Variants in ZZZ3 observed in about 807,000 individuals in gnomAD.
ZZZ3 encodes zinc finger ZZ-type containing 3.
In ZZZ3, 22 loss-of-function variants were observed where a neutral mutation model predicts 95.2. The observed-to-expected ratio is 0.23, with a 90% confidence interval of 0.17 to 0.33. ZZZ3 has a LOEUF of 0.33. ZZZ3 is among the 10% of genes least tolerant of loss of function. ZZZ3 has a pLI of 1.00. For synonymous variants in ZZZ3, 335 were observed against 358.9 expected (o/e 0.93, Z 0.75); for missense variants, 885 against 1,066.5 (o/e 0.83, Z 2.37).
In ZZZ3 at chr1:77,578,866, C is replaced by A; in HGVS notation, c.2086G>T (p.Ala696Ser). 1 of 1,551,642 alleles carries A rather than the reference C, an allele frequency of 6.4e-7. No homozygotes were observed. The highest frequency in any genetic ancestry group is 2.1e-5 in the Admixed American group (1 of 48,666). ...ATGAAATACTTCTGTACTCGGCTGG[C>A]AACCTAAGGAAACATGACAAGTCTC... ...ELGNRTAKQV[A>S]SRVQKYFIKL... Residue 696 changes from alanine (A) to serine (S), a missense_variant, in exon 11 of 15, where the codon GCC becomes TCC. This residue lies in a region of ZZZ3 where 221 missense variants were observed against 247.8 expected (regional missense o/e 0.89). Transcript: ENST00000370801.
At chr1:77,665,235 C>T (rs753772298) in intron 1 of ZZZ3, among the ~76,000 whole-genome samples, 6 of 152,138 alleles carry the variant, frequency 3.9e-5, no homozygotes, top group Non-Finnish European at 7.4e-5. Flanking sequence ...TGTTACCATA[C>T]AGACAATTTT....
chr1:77,610,095 C>A (rs1231428839), intron 5 of ZZZ3, among the ~76,000 whole-genome samples: 1 of 148,976 alleles, frequency 6.7e-6, no homozygotes, highest in Non-Finnish European at 1.5e-5. Flanking sequence ...CAAACTTTGG[C>A]CAGACTTAAA....
intron 1 of ZZZ3, among the ~76,000 whole-genome samples, chr1:77,648,548 A>C (rs1050177253): frequency 6.6e-6 from 1 of 152,162 alleles, no homozygotes; most frequent in African/African-American, 2.4e-5. Flanking sequence ...AGTCTTTTTA[A>C]TGTGAATTGA....
At chr1:77,594,923 A>G (rs1044942538) in intron 5 of ZZZ3, among the ~76,000 whole-genome samples, 107 of 133,246 alleles carry the variant, frequency 8.0e-4, no homozygotes, top group Non-Finnish European at 1.3e-3. Context: ...GACAGGCCCA[A>G]AAAAAAAAAA....
At chr1:77,680,607 A>C (rs1241160537) in intron 1 of ZZZ3, among the ~76,000 whole-genome samples, 1 of 152,160 alleles carries the variant, frequency 6.6e-6, no homozygotes, top group Non-Finnish European at 1.5e-5. Flanking sequence ...TACAAAAACA[A>C]CACTTACAAA....
rs532437465 is a variant in ZZZ3, at chr1:77,630,694, T to C, written c.1505+1156A>G. 3.7e-4 allele frequency among the ~76,000 whole-genome samples: 57 copies of C among 152,246 alleles called. No homozygotes were observed. The South Asian group carries it at 3.9e-3, about 11-fold the overall frequency. On this transcript the variant is annotated intron_variant, in intron 5 of 14. Coordinates refer to ENST00000370801, the MANE Select transcript of ZZZ3 (RefSeq NM_015534.6). ...TGAACTATCAAATACAATATTAAGATAGTATTTCAAAAGAAAGCAGAAGAA... is the reference window on the plus strand; with the variant it reads ...TGAACTATCAAATACAATATTAAGACAGTATTTCAAAAGAAAGCAGAAGAA...
upstream of ZZZ3, chr1:77,683,234 TCAC>T (rs1391939044): frequency 2.1e-5 from 2 of 94,538 alleles, no homozygotes; most frequent in African/African-American, 4.1e-5. Context: ...TGTCTGGCCC[TCAC>T]CACGTGTCCC....
chr1:77,602,602 A>ATTTT lies in ZZZ3; in HGVS notation c.1506-17951_1506-17948dup, dbSNP rs33915566. 3.7e-3 allele frequency among the ~76,000 whole-genome samples: 433 copies of ATTTT among 117,898 alleles called. 3 individuals are homozygous for ATTTT. The highest frequency in any genetic ancestry group is 5.3e-3 in the Non-Finnish European group (315 of 59,650). The allele number at this position is 117,898 out of a possible 152,430, so 77.3% of individuals were successfully genotyped here. On this transcript the variant is annotated intron_variant, in intron 5 of 14. Coordinates refer to ENST00000370801, the MANE Select transcript of ZZZ3 (RefSeq NM_015534.6). ...CCAGACACAACCATTATTTTTACTG[A>ATTTT]TTTTTTTTTTTTTTTTTTTTTGAGA...
intron 5 of ZZZ3, among the ~76,000 whole-genome samples, chr1:77,614,697 T>C (rs1033039641): frequency 6.6e-6 from 1 of 152,148 alleles, no homozygotes; most frequent in East Asian, 1.9e-4. Flanking sequence ...TAAATCAATA[T>C]ACAGGGGAAT....
intron 1 of ZZZ3, among the ~76,000 whole-genome samples, chr1:77,669,311 G>A (rs1055903680): frequency 6.6e-6 from 1 of 152,024 alleles, no homozygotes; most frequent in Admixed American, 6.6e-5. Flanking sequence ...TACATAGATT[G>A]TGAATGGTCC....
chr1:77,668,647 CAAAAAAA>C (rs34195679), intron 1 of ZZZ3, among the ~76,000 whole-genome samples: 1 of 107,962 alleles, frequency 9.3e-6, no homozygotes, highest in Non-Finnish European at 2.1e-5. Flanking sequence ...GACCCTGTCT[CAAAAAAA>C]AAAAAAAAAA....
At chr1:77,606,077 T>G (rs1665201848) in intron 5 of ZZZ3, among the ~76,000 whole-genome samples, 1 of 152,178 alleles carries the variant, frequency 6.6e-6, no homozygotes, top group Admixed American at 6.5e-5. Context: ...AGATGGCATT[T>G]CTGGACTTGC....
chr1:77,630,528 T>C (rs1490891476), intron 5 of ZZZ3, among the ~76,000 whole-genome samples: 7 of 152,008 alleles, frequency 4.6e-5, no homozygotes, highest in Non-Finnish European at 7.4e-5. Flanking sequence ...ACAGTATATA[T>C]GAACAGCAGA....
chr1:77,659,558 G>A (rs955953850), intron 1 of ZZZ3, among the ~76,000 whole-genome samples: 72 of 151,492 alleles, frequency 4.8e-4, no homozygotes, highest in African/African-American at 1.3e-3. Context: ...GTGGGGGCAC[G>A]TGCCTGTAAT....
chr1:77,674,010 GA>G (rs11320447), intron 1 of ZZZ3, among the ~76,000 whole-genome samples: 107,757 of 140,170 alleles, frequency 0.77, 40,720 homozygotes, highest in South Asian at 0.9. Flanking sequence ...TTTTAAGTAG[GA>G]AAAAAAAAAA....
At position 77,632,867 on chromosome 1, in the gene ZZZ3, G is replaced by A; in HGVS notation, c.488C>T (p.Ala163Val). The A allele has an allele frequency of 1.2e-6, 2 of 1,614,100 alleles. No individual in the cohort carries two copies. Among genetic ancestry groups the A allele is most frequent in the African/African-American group, 1.3e-5 (1 of 75,024 alleles). The stretch of plus-strand genomic sequence containing the variant: ...ATCATCCAGTATAAGACATCGACAA[G>A]CTCGTTTAGTCCCTTGAAAATCTGC... ...NDADFQGTKR[A>V]CRCLILDDCE... The change falls in exon 5 of 15, where the codon GCT (alanine) becomes GTT (valine). Residue 163 changes from alanine to valine, a missense_variant. By Grantham distance (64) the Ala-to-Val change is moderately conservative (BLOSUM62 0). This residue lies in a region of ZZZ3 where 556 missense variants were observed against 652.9 expected (regional missense o/e 0.85). Coordinates refer to ENST00000370801, the MANE Select transcript of ZZZ3 (RefSeq NM_015534.6).
At position 77,631,981 on chromosome 1, in the gene ZZZ3, C is replaced by T. The variant is rs1236646114; in HGVS notation, c.1374G>A (p.Glu458=). The part of the protein sequence containing the change: ...GSEGVSKPPS[E]ARLNIGHLPS... ...GCAAATGTCCAATATTGAGTCTTGC[C>T]TCTGAGGGTGGTTTACTTACTCCTT... is the stretch of plus-strand genomic sequence containing the variant. Residue 458 remains glutamate (E), a synonymous_variant, in exon 5 of 15, where the codon GAG becomes GAA. Transcript: ENST00000370801. 6.2e-7 allele frequency: 1 copy of T among 1,614,064 alleles called. No homozygotes were observed. The highest frequency in any genetic ancestry group is 8.5e-7 in the Non-Finnish European group (1 of 1,179,972).
intron 4 of ZZZ3, among the ~76,000 whole-genome samples, chr1:77,639,100 T>A (rs553890482): frequency 2.7e-5 from 4 of 150,912 alleles, no homozygotes; most frequent in African/African-American, 9.7e-5. Context: ...GGCAGGCAGA[T>A]AAGCGGACAG....
chr1:77,663,318 A>G (rs1334031902), intron 1 of ZZZ3, among the ~76,000 whole-genome samples: 1 of 152,178 alleles, frequency 6.6e-6, no homozygotes, highest in Non-Finnish European at 1.5e-5. Context: ...ACTGCAGTTA[A>G]GAGAATATCT....
Sources: gnomAD v4.1 joint callset for allele counts (sites outside exome capture counted in the v4.1 genomes callset) on GRCh38, gnomAD v4.1.1 for gene constraint, gnomAD v4.1.1 regional missense constraint, MANE v1.5 for transcripts, NCBI Gene and HGNC (gene_info 2026-07-23, HGNC 2026-07-21) for gene names.